SPTB: variants seen among roughly 807,000 people sequenced by gnomAD.
SPTB encodes the protein spectrin beta chain, erythrocytic.
SPTB carries 45 observed loss-of-function variants against 256.2 expected under a neutral mutation model. The ratio of observed to expected loss-of-function variants is 0.18; its 90% confidence interval spans 0.14 to 0.23. SPTB has a LOEUF of 0.23. Among genes scored for constraint, SPTB ranks in the 10% least tolerant of loss-of-function variants. The pLI is 1.00. For missense variants in SPTB, 2,715 were observed against 3,040.4 expected, an observed-to-expected ratio of 0.89 and a Z score of 2.52; for synonymous variants, 1,231 against 1,243.1, an observed-to-expected ratio of 0.99 and a Z score of 0.21.
In SPTB at chr14:64,825,471, C is replaced by A. The variant is rs972106380; in HGVS notation, c.-51-2326G>T. Reference sequence around the variant, plus strand: ...CCCCCACCCCCGGCCCCACACCTTTCTCTATTTCCCTTAAGGGAAACTACC... The same window carrying A: ...CCCCCACCCCCGGCCCCACACCTTTATCTATTTCCCTTAAGGGAAACTACC... On this transcript the variant is annotated intron_variant, in intron 1 of 35. Transcript: ENST00000644917. This position sits in a 1 kb window ranked among gnomAD's most constrained non-coding sequence, Gnocchi z 4.8. Among the ~76,000 whole-genome samples, 4 of 150,032 alleles carry A rather than the reference C, an allele frequency of 2.7e-5. No individual in the cohort carries two copies. Among genetic ancestry groups the A allele is most frequent in the African/African-American group, 9.8e-5 (4 of 41,022 alleles).
intron 1 of SPTB, among the ~76,000 whole-genome samples, chr14:64,828,655 A>T (rs1343018497): frequency 1.3e-5 from 2 of 152,180 alleles, no homozygotes; most frequent in Non-Finnish European, 2.9e-5. Flanking sequence ...GAAACTTGTG[A>T]CCCAGTCCTA....
rs150127845 is a variant in SPTB, at chr14:64,873,548, G to A, written c.-52+6244C>T. On this transcript the variant is annotated intron_variant, in intron 1 of 35. Transcript: ENST00000644917. This position sits in a 1 kb window ranked among gnomAD's most constrained non-coding sequence, Gnocchi z 4.3. ...TGCTACTGAGAATCCATTAATTCAT[G>A]CTTTGGAACAGCATCTGTGCATACT... is the stretch of plus-strand genomic sequence containing the variant. 9.2e-5 allele frequency among the ~76,000 whole-genome samples: 14 copies of A among 152,314 alleles called. No individual in the cohort carries two copies. The East Asian group carries it at 2.7e-3, about 29-fold the overall frequency.
chr14:64,799,363 G>C (rs1268663), intron 9 of SPTB, among the ~76,000 whole-genome samples: 1 of 152,078 alleles, frequency 6.6e-6, no homozygotes, highest in Non-Finnish European at 1.5e-5. Context: ...CCCATGCAGA[G>C]AGCTCAGGGG....
rs564390663 is a variant in SPTB at position 64,767,956 on chromosome 14, G to A, written c.6023-97C>T. The A allele has an allele frequency of 7.3e-5, 101 of 1,390,972 alleles. 1 individual carries two copies. The South Asian group carries it at 9.2e-4, about 13-fold the overall frequency. 86.2% of individuals were successfully genotyped at this position (1,390,972 alleles called of 1,614,324 possible). A position where few individuals can be genotyped will look rare whatever the true frequency, so the allele number is the denominator to read the frequency against. On this transcript the variant is annotated intron_variant, in intron 29 of 35. Transcript: ENST00000644917. ...ATTGGGGCCAGTGGTCAGGCAGGTG[G>A]CCTGAATAGGTGTCCCTAAACCACA...
intron 27 of SPTB, among the ~76,000 whole-genome samples, chr14:64,770,257 G>A (rs761678640): frequency 6.6e-5 from 10 of 152,146 alleles, no homozygotes; most frequent in Non-Finnish European, 1.0e-4. Flanking sequence ...GTGTAACAGC[G>A]AATATATTAA....
chr14:64,809,003 G>A (rs909965192), intron 2 of SPTB, among the ~76,000 whole-genome samples: 6 of 151,922 alleles, frequency 3.9e-5, no homozygotes, highest in African/African-American at 1.4e-4. Flanking sequence ...GCTCACGCCT[G>A]TAATCCCAGC....
intron 32 of SPTB, 135 bp downstream of exon 32, chr14:64,766,591 G>A: frequency 2.5e-6 from 4 of 1,602,160 alleles, no homozygotes; most frequent in Non-Finnish European, 1.7e-6. Context: ...GGAGGTGGCT[G>A]CAGGGATGTG....
At position 64,746,805 on chromosome 14, in the gene SPTB, A is replaced by C. The variant is rs2081851040; in HGVS notation, c.*2501T>G. 6.6e-6 allele frequency: 1 copy of C among 152,582 alleles called. No homozygotes were observed. Among genetic ancestry groups the C allele is most frequent in the Non-Finnish European group, 1.5e-5 (1 of 68,120 alleles). 9.5% of individuals were successfully genotyped at this position (152,582 alleles called of 1,614,324 possible). A position where few individuals can be genotyped will look rare whatever the true frequency, so the allele number is the denominator to read the frequency against. On this transcript the variant is annotated 3_prime_UTR_variant, in exon 36 of 36. Transcript: ENST00000644917. This position sits in a 1 kb window ranked among gnomAD's most constrained non-coding sequence, Gnocchi z 4.9. ...GAGCTTCCTCTAAACTGCCCTGGGA[A>C]GGAAGCCTGGTATGCTGGTGTGGAC...
chr14:64,772,945 C>T lies in SPTB; in HGVS notation c.5188G>A (p.Asp1730Asn), dbSNP rs747858034. Residue 1730 changes from aspartate (D) to asparagine (N), a missense_variant, in exon 26 of 36, where the codon GAC becomes AAC. Transcript: ENST00000644917. The surrounding 1 kb of genome is among the most constrained non-coding windows in gnomAD (Gnocchi z 5.4). ...QDFDHVTLLR[D>N]KFRDFARETG... is the part of the protein sequence containing the mutation. ...TCCCGGGCAAAGTCCCGGAACTTGT[C>T]CCGCAGAAGCTAGGCATGGGGCAGA... is the stretch of plus-strand genomic sequence containing the variant. 7 of 1,600,786 alleles carry T rather than the reference C, an allele frequency of 4.4e-6. No homozygotes were observed. Among genetic ancestry groups the T allele is most frequent in the Non-Finnish European group, 6.0e-6 (7 of 1,173,460 alleles).
rs1373593604 is a variant in SPTB at position 64,793,736 on chromosome 14, A to C, written c.1927T>G (p.Phe643Val). 2 of 1,614,226 alleles carry C rather than the reference A, an allele frequency of 1.2e-6. No homozygotes were observed. Among genetic ancestry groups the C allele is most frequent in the South Asian group, 2.2e-5 (2 of 91,086 alleles). ...CTCTCAGCCTCATCCATCTCCCAGA[A>C]GAACTTCCAGAGTCGTTTGGACTGC... ...LEQSKRLWKF[F>V]WEMDEAESWI... Residue 643 changes from phenylalanine (F) to valine (V), a missense_variant, in exon 14 of 36, where the codon TTC becomes GTC. By Grantham distance (50) the Phe-to-Val change is conservative. Transcript: ENST00000644917. The surrounding 1 kb of genome is among the most constrained non-coding windows in gnomAD (Gnocchi z 7.0).
chr14:64,797,703 A>G (rs76510906), intron 10 of SPTB, 26 bp downstream of exon 10: 1 of 1,514,174 alleles, frequency 6.6e-7, no homozygotes, highest in South Asian at 1.1e-5. Flanking sequence ...TCTACTGTCA[A>G]TGCATAACGG....
intron 1 of SPTB, among the ~76,000 whole-genome samples, chr14:64,861,769 T>G (rs1025888244): frequency 2.9e-4 from 44 of 152,344 alleles, no homozygotes; most frequent in African/African-American, 9.4e-4. Context: ...TCGAGTTTCA[T>G]GCCTCCACGA....
intron 1 of SPTB, among the ~76,000 whole-genome samples, chr14:64,875,899 TCAG>T (rs916644010): frequency 1.9e-4 from 29 of 152,366 alleles, no homozygotes; most frequent in African/African-American, 6.0e-4. Context: ...TCTGTAGGTC[TCAG>T]GTTATTTTTT....
In SPTB at chr14:64,791,565, CAAAAAAAAAAA is replaced by C. The variant is rs563905446; in HGVS notation, c.2804+143_2804+153del. ...TGGGTAAAAGAGTGAGGTTCTGTGT[CAAAAAAAAAAA>C]AAAAAAAAAAAAAAAGACAGGAATG... On this transcript the variant is annotated intron_variant, in intron 15 of 35. Transcript: ENST00000644917. 1.2e-3 allele frequency among the ~76,000 whole-genome samples: 55 copies of C among 45,848 alleles called. No homozygotes were observed. In the East Asian group the frequency reaches 0.03, roughly 25 times the overall value. 30.1% of individuals were successfully genotyped at this position (45,848 alleles called of 152,430 possible).
Position 64,767,731 on chromosome 14 carries a change from G to A in SPTB, c.6151C>T (p.His2051Tyr). The change falls in exon 30 of 36, where the codon CAT becomes TAT. Residue 2051 changes from histidine (H) to tyrosine (Y), a missense_variant. His to Tyr is a moderately conservative substitution (Grantham distance 83). Around this residue, in one of 4 missense-constraint regions of SPTB, gnomAD observed 2,239 missense variants for 2,384.4 expected, o/e 0.94. Transcript: ENST00000644917. ...GCCGTGGACTTCTCAAAAGCCTCAT[G>A]CCTCTTGATGAGCTTCTCCACACTG... ...VDSVEKLIKR[H>Y]EAFEKSTASW... 6.2e-7 allele frequency: 1 copy of A among 1,614,200 alleles called. No individual in the cohort carries two copies. Among genetic ancestry groups the A allele is most frequent in the Non-Finnish European group, 8.5e-7 (1 of 1,180,036 alleles).
Position 64,795,217 on chromosome 14 carries a change from A to T in SPTB, c.1644+120T>A. 1.7e-6 allele frequency: 2 copies of T among 1,211,648 alleles called. No individual in the cohort carries two copies. The highest frequency in any genetic ancestry group is 2.3e-6 in the Non-Finnish European group (2 of 868,148). 75.1% of individuals were successfully genotyped at this position (1,211,648 alleles called of 1,614,324 possible). The stretch of plus-strand genomic sequence containing the variant: ...GACACTTTGCTGCCTCAGTTTCTCT[A>T]TTTTGACTCAGAGATATGACTGGCT... On this transcript the variant is annotated intron_variant, in intron 12 of 35. Transcript: ENST00000644917. This position sits in a 1 kb window ranked among gnomAD's most constrained non-coding sequence, Gnocchi z 6.5.
chr14:64,795,384 G>T lies in SPTB; in HGVS notation c.1597C>A (p.Leu533Ile). The T allele has an allele frequency of 6.2e-7, 1 of 1,613,794 alleles. No individual in the cohort carries two copies. Among genetic ancestry groups the T allele is most frequent in the Non-Finnish European group, 8.5e-7 (1 of 1,180,028 alleles). Residue 533 changes from leucine to isoleucine, a missense_variant, in exon 12 of 36, where the codon CTC becomes ATC. Leu to Ile is a conservative substitution (Grantham distance 5). This residue lies in a region of SPTB where 2,239 missense variants were observed against 2,384.4 expected (regional missense o/e 0.94). Coordinates refer to ENST00000644917, the MANE Select transcript of SPTB (RefSeq NM_001355436.2). This position sits in a 1 kb window ranked among gnomAD's most constrained non-coding sequence, Gnocchi z 6.5. Reference sequence around the variant, plus strand: ...ATGCTGTGCAGCATGTCCTGGAAGAGCTTCTGCAGTGCCAGGGTGGTCTCG... The same window carrying T: ...ATGCTGTGCAGCATGTCCTGGAAGATCTTCTGCAGTGCCAGGGTGGTCTCG... ...RLETTLALQK[L>I]FQDMLHSIDW... is the part of the protein sequence containing the mutation.
intron 1 of SPTB, among the ~76,000 whole-genome samples, chr14:64,867,219 T>C (rs1296567631): frequency 6.6e-6 from 1 of 152,232 alleles, no homozygotes; most frequent in Non-Finnish European, 1.5e-5. Context: ...CCCCTCTTCA[T>C]AATCTTCTAT....
intron 1 of SPTB, among the ~76,000 whole-genome samples, chr14:64,871,448 A>G (rs1463477962): frequency 6.6e-6 from 1 of 152,242 alleles, no homozygotes; most frequent in Non-Finnish European, 1.5e-5. Flanking sequence ...TACCCAGAGA[A>G]GAACCACTGG....
Sources: allele counts gnomAD v4.1 joint callset (sites outside exome capture counted in the v4.1 genomes callset), GRCh38; gene constraint gnomAD v4.1.1; regional missense constraint gnomAD v4.1.1; non-coding constraint Gnocchi (gnomAD v3.1); transcripts MANE v1.5; gene names NCBI Gene and HGNC (gene_info 2026-07-23, HGNC 2026-07-21).